DGKB: variants seen among roughly 807,000 people sequenced by gnomAD.
DGKB encodes 90 kDa diacylglycerol kinase.
Under a neutral mutation model 114.3 loss-of-function variants are expected in DGKB, and 67 were observed. That is an observed-to-expected ratio of 0.59 (90% CI 0.48 to 0.72). The LOEUF is 0.72. Among genes scored for constraint, DGKB ranks in the 30% least tolerant of loss-of-function variants. The probability of loss-of-function intolerance (pLI) is 0.00; values close to 1 mark genes in which losing one functional copy is unlikely to be tolerated. For missense variants in DGKB, 907 were observed against 975.2 expected, an observed-to-expected ratio of 0.93 and a Z score of 0.93; for synonymous variants, 398 against 323.1, an observed-to-expected ratio of 1.23 and a Z score of -2.49.
At chr7:14,597,898 A>G (rs1802868788) in intron 17 of DGKB, among the ~76,000 whole-genome samples, 5 of 152,084 alleles carry the variant, frequency 3.3e-5, no homozygotes. Context: ...AGAATATTAA[A>G]ATTTCTTGGG....
rs1782568216 is a variant in DGKB at position 14,153,734 on chromosome 7, G to A, written c.2305-4496C>T. On this transcript the variant is annotated intron_variant, in intron 25 of 25. Coordinates refer to ENST00000402815, the MANE Select transcript of DGKB (RefSeq NM_001350709.2). ...TTTCAAAGTGAAGGGATAAAAAGAA[G>A]ATTCTAAATGTCCTCAGAGAGAAAA... Among the ~76,000 whole-genome samples, 2 of 151,798 alleles carry A rather than the reference G, an allele frequency of 1.3e-5. 1 individual carries two copies. The highest frequency in any genetic ancestry group is 1.3e-4 in the Admixed American group (2 of 15,182).
At position 14,788,599 on chromosome 7, in the gene DGKB, T is replaced by C. The variant is rs141051743; in HGVS notation, c.71-30868A>G. On this transcript the variant is annotated intron_variant, in intron 2 of 25. Coordinates refer to ENST00000402815, the MANE Select transcript of DGKB (RefSeq NM_001350709.2). ...GGGCCAGGTAACAGACAACTATGGG[T>C]AGCCCATATCACTCAGAACCTGCAG... 4.2e-3 allele frequency among the ~76,000 whole-genome samples: 640 copies of C among 152,214 alleles called. 1 individual carries two copies. The highest frequency in any genetic ancestry group is 7.6e-3 in the Non-Finnish European group (518 of 68,016).
intron 4 of DGKB, among the ~76,000 whole-genome samples, chr7:14,744,430 A>G (rs1480397389): frequency 6.6e-6 from 1 of 152,178 alleles, no homozygotes; most frequent in Admixed American, 6.5e-5. Context: ...TTGTCTACAC[A>G]GTCCTCATAC....
chr7:14,280,270 A>G (rs1370759024), intron 23 of DGKB, among the ~76,000 whole-genome samples: 2 of 152,140 alleles, frequency 1.3e-5, no homozygotes, highest in Non-Finnish European at 2.9e-5. Flanking sequence ...GCAATGGAAG[A>G]TGAAATGAAT....
chr7:14,656,731 T>C (rs184520548), intron 13 of DGKB, among the ~76,000 whole-genome samples: 30 of 131,330 alleles, frequency 2.3e-4, no homozygotes, highest in Admixed American at 1.6e-3. Context: ...AGGATATATA[T>C]ACAGTATATA....
intron 1 of DGKB, among the ~76,000 whole-genome samples, chr7:14,865,650 G>A (rs1489262958): frequency 1.3e-5 from 2 of 152,174 alleles, no homozygotes; most frequent in Non-Finnish European, 2.9e-5. Flanking sequence ...TGGATTCTCT[G>A]TAGAATATTC....
intron 21 of DGKB, among the ~76,000 whole-genome samples, chr7:14,399,401 T>C (rs1207175155): frequency 6.6e-6 from 1 of 151,686 alleles, no homozygotes; most frequent in Non-Finnish European, 1.5e-5. Context: ...CCCTAAAACC[T>C]AAATATTAGT....
At chr7:14,689,196 C>CT (rs1554599070) in intron 9 of DGKB, among the ~76,000 whole-genome samples, 19 of 80,292 alleles carry the variant, frequency 2.4e-4, no homozygotes, top group African/African-American at 4.9e-4. Flanking sequence ...AGAAACTCCT[C>CT]TTATTTTTTT....
intron 23 of DGKB, among the ~76,000 whole-genome samples, chr7:14,322,871 A>C (rs915707706): frequency 6.6e-6 from 1 of 152,188 alleles, no homozygotes; most frequent in Non-Finnish European, 1.5e-5. Flanking sequence ...TTTACAGAAC[A>C]ATAAATTAGG....
intron 21 of DGKB, among the ~76,000 whole-genome samples, chr7:14,462,829 T>A (rs944972815): frequency 6.6e-6 from 1 of 152,198 alleles, no homozygotes; most frequent in African/African-American, 2.4e-5. Context: ...TCATGCTACC[T>A]GACTGCAAAC....
chr7:14,355,903 G>T (rs1814380094), intron 21 of DGKB, among the ~76,000 whole-genome samples: 1 of 152,064 alleles, frequency 6.6e-6, no homozygotes, highest in South Asian at 2.1e-4. Context: ...AATCCAGCTG[G>T]TCCTGGACTT....
chr7:14,170,162 AAAGAAAG>A (rs1400465195), intron 25 of DGKB, among the ~76,000 whole-genome samples: 7 of 88,144 alleles, frequency 7.9e-5, no homozygotes, highest in African/African-American at 4.5e-4. Flanking sequence ...AGAAAGAAAG[AAAGAAAG>A]AAAGAAAGAA....
intron 17 of DGKB, among the ~76,000 whole-genome samples, chr7:14,585,693 G>A (rs10227646): frequency 0.49 from 74,201 of 151,954 alleles, 18,270 homozygotes; most frequent in African/African-American, 0.52. Flanking sequence ...AATGTCTGTG[G>A]CAACTCTGCT....
At chr7:14,171,093 G>C (rs1374856347) in intron 25 of DGKB, among the ~76,000 whole-genome samples, 1 of 152,182 alleles carries the variant, frequency 6.6e-6, no homozygotes, top group Non-Finnish European at 1.5e-5. Flanking sequence ...CCCGCACCAG[G>C]TCAGGGCTCA....
intron 20 of DGKB, among the ~76,000 whole-genome samples, chr7:14,529,409 A>T (rs1791187971): frequency 6.6e-6 from 1 of 151,912 alleles, no homozygotes; most frequent in South Asian, 2.1e-4. Flanking sequence ...TATTTAAATA[A>T]ATAACTACTT....
intron 23 of DGKB, among the ~76,000 whole-genome samples, chr7:14,273,987 T>C (rs1239027253): frequency 6.6e-6 from 1 of 152,202 alleles, no homozygotes; most frequent in African/African-American, 2.4e-5. Context: ...AGAAACATAT[T>C]TGTATTTCAT....
intron 1 of DGKB, among the ~76,000 whole-genome samples, chr7:14,899,262 T>G (rs192891055): frequency 6.6e-6 from 1 of 152,298 alleles, no homozygotes; most frequent in East Asian, 1.9e-4. Flanking sequence ...ACTACTCTTT[T>G]ACCTCTTCAG....
chr7:14,802,946 T>A (rs1407212961), intron 2 of DGKB, among the ~76,000 whole-genome samples: 3 of 132,908 alleles, frequency 2.3e-5, no homozygotes, highest in African/African-American at 6.3e-5. Context: ...ACTCATACAA[T>A]TAAAAATAAT....
At chr7:14,201,778 T>G (rs1329818382) in intron 23 of DGKB, among the ~76,000 whole-genome samples, 4 of 152,016 alleles carry the variant, frequency 2.6e-5, no homozygotes, top group African/African-American at 4.8e-5. Context: ...TATTTCCAAA[T>G]TAATTACAAA....
Sources: allele counts gnomAD v4.1 joint callset (sites outside exome capture counted in the v4.1 genomes callset), GRCh38; gene constraint gnomAD v4.1.1; transcripts MANE v1.5; gene names NCBI Gene and HGNC (gene_info 2026-07-23, HGNC 2026-07-21).